Variants in SFXN5 observed in about 807,000 individuals in gnomAD.
The protein encoded by SFXN5 is sideroflexin-5.
SFXN5 carries 43 observed loss-of-function variants against 50.2 expected under a neutral mutation model. That is an observed-to-expected ratio of 0.86 (90% CI 0.67 to 1.11). The LOEUF (loss-of-function observed/expected upper bound fraction) is 1.11, where lower values mean the gene tolerates loss of function less well. SFXN5 is among the 50% of genes least tolerant of loss of function. The pLI, the probability that SFXN5 is intolerant of heterozygous loss-of-function variation, is 0.00. For missense variants in SFXN5, 463 were observed against 454.1 expected, an observed-to-expected ratio of 1.02 and a Z score of -0.18; for synonymous variants, 203 against 185.8, an observed-to-expected ratio of 1.09 and a Z score of -0.75.
Position 72,992,793 on chromosome 2 carries a change from C to T in SFXN5, c.535-4445G>A, listed in dbSNP as rs893258. Among the ~76,000 whole-genome samples, 65,387 of 152,114 alleles carry T rather than the reference C, an allele frequency of 0.43. 17,022 individuals carry two copies. The highest frequency in any genetic ancestry group is 0.65 in the South Asian group (3,137 of 4,820). On this transcript the variant is annotated intron_variant, in intron 9 of 13. Transcript: ENST00000272433. This position sits in a 1 kb window ranked among gnomAD's most constrained non-coding sequence, Gnocchi z 4.5. ...CCATCCATCTGCTCTCTACAGCAGT[C>T]GGAGTGAAGTCTGAAAACATGGCGA... is the stretch of plus-strand genomic sequence containing the variant.
intron 11 of SFXN5, among the ~76,000 whole-genome samples, chr2:72,968,770 CCTCTCTCTTTCTTTCTTTCCTCT>C (rs1304465257): frequency 2.6e-5 from 4 of 151,028 alleles, no homozygotes; most frequent in South Asian, 2.1e-4. Flanking sequence ...TTTTTTCTTT[CCTCTCTCTTTCTTTCTTTCCTCT>C]CTCTCTCTTT....
At chr2:73,025,927 T>G (rs1460671822) in intron 3 of SFXN5, among the ~76,000 whole-genome samples, 1 of 151,988 alleles carries the variant, frequency 6.6e-6, no homozygotes, top group Non-Finnish European at 1.5e-5. Flanking sequence ...CAGGCAAGGG[T>G]CTGAGTGCTG....
intron 2 of SFXN5, among the ~76,000 whole-genome samples, chr2:73,051,639 T>C (rs180676852): frequency 1.1e-3 from 166 of 152,336 alleles, no homozygotes; most frequent in Admixed American, 2.4e-3. Context: ...GTATTTGTTA[T>C]AGCAACACCC....
At position 72,988,966 on chromosome 2, in the gene SFXN5, C is replaced by T. The variant is rs140477738; in HGVS notation, c.535-618G>A. Among the ~76,000 whole-genome samples the T allele has an allele frequency of 3.6e-3, 551 of 152,318 alleles. 3 individuals are homozygous for T. The highest frequency in any genetic ancestry group is 0.013 in the African/African-American group (536 of 41,578). On this transcript the variant is annotated intron_variant, in intron 9 of 13. Coordinates refer to ENST00000272433, the MANE Select transcript of SFXN5 (RefSeq NM_144579.3). ...CTGGCCCAGGATGCCAGACACCCCA[C>T]CCCAGCCCCTGCCTGGGGTCTTCGT...
At chr2:73,039,928 A>G (rs1679406711) in intron 3 of SFXN5, among the ~76,000 whole-genome samples, 1 of 151,950 alleles carries the variant, frequency 6.6e-6, no homozygotes, top group Non-Finnish European at 1.5e-5. Flanking sequence ...CTCCTGCCTC[A>G]ACCTCATGAG....
intron 12 of SFXN5, among the ~76,000 whole-genome samples, chr2:72,962,643 AAGATCCCATTACTTGCAAATCC>A (rs1673876239): frequency 2.0e-5 from 3 of 152,184 alleles, no homozygotes; most frequent in Admixed American, 6.5e-5. Flanking sequence ...GGTATTAATA[AAGATCCCATTACTTGCAAATCC>A]TATGCAAGTA....
chr2:73,068,155 C>T (rs1683306838), intron 1 of SFXN5, among the ~76,000 whole-genome samples: 1 of 152,130 alleles, frequency 6.6e-6, no homozygotes, highest in Admixed American at 6.5e-5. Flanking sequence ...AGAGCGACTC[C>T]AGGGAATAAG....
At position 73,000,474 on chromosome 2, in the gene SFXN5, C is replaced by A; in HGVS notation, c.425G>T (p.Ser142Ile). ...TGCATAGTTGACACAGGCATTGTGG[C>A]TCTGGTTCAGCCACTGAAAGGCAAT... ...STVFWQWLNQ[S>I]HNACVNYANR... The change falls in exon 8 of 14, where the codon AGC (serine) becomes ATC (isoleucine). Residue 142 changes from serine (S) to isoleucine (I), a missense_variant. Transcript: ENST00000272433. 6.4e-7 allele frequency: 1 copy of A among 1,559,726 alleles called. No homozygotes were observed. Among genetic ancestry groups the A allele is most frequent in the Non-Finnish European group, 8.7e-7 (1 of 1,150,428 alleles).
chr2:72,948,246 ATGTT>A (rs1672165844), intron 13 of SFXN5, among the ~76,000 whole-genome samples: 1 of 152,244 alleles, frequency 6.6e-6, no homozygotes. Context: ...CCTCTGTAAA[ATGTT>A]TGAAGAATCC....
chr2:73,048,992 G>C (rs1680879973), intron 2 of SFXN5: 1 of 152,214 alleles, frequency 6.6e-6, no homozygotes, highest in Admixed American at 6.5e-5. Flanking sequence ...ATCCTGGACA[G>C]AATCAGTTAC....
chr2:73,045,985 T>C (rs1680268674), intron 2 of SFXN5, among the ~76,000 whole-genome samples: 1 of 152,118 alleles, frequency 6.6e-6, no homozygotes, highest in South Asian at 2.1e-4. Context: ...GGTAAACTGA[T>C]GCAGTTCCAG....
chr2:73,045,684 A>G (rs940419868), intron 2 of SFXN5, among the ~76,000 whole-genome samples: 34 of 151,816 alleles, frequency 2.2e-4, no homozygotes, highest in African/African-American at 8.2e-4. Flanking sequence ...CATCCTTACC[A>G]CAGCTTGACC....
At chr2:73,059,379 C>T in intron 1 of SFXN5, 1 of 985,440 alleles carries the variant, frequency 1.0e-6, no homozygotes, top group Non-Finnish European at 1.2e-6. Flanking sequence ...TCATGCCTCA[C>T]TACACTCCGG....
At chr2:73,041,804 G>A in intron 2 of SFXN5, 1 of 191,782 alleles carries the variant, frequency 5.2e-6, no homozygotes, top group Non-Finnish European at 1.1e-5. Context: ...CCAGGCTCAA[G>A]TGATCCTCCC....
intron 10 of SFXN5, among the ~76,000 whole-genome samples, chr2:72,976,752 T>C (rs1283606965): frequency 6.6e-6 from 1 of 152,212 alleles, no homozygotes; most frequent in Non-Finnish European, 1.5e-5. Flanking sequence ...TGGACACTAA[T>C]TATAGTTCTC....
At position 73,020,021 on chromosome 2, in the gene SFXN5, C is replaced by T. The variant is rs115795875; in HGVS notation, c.357+218G>A. On this transcript the variant is annotated intron_variant, in intron 6 of 13. Transcript: ENST00000272433. The stretch of plus-strand genomic sequence containing the variant: ...GGGAAGAAGGCAATTTTCAACTCAA[C>T]GCTGGATTTAAGTCATCAGGCTTTT... 8.2e-3 allele frequency: 4,337 copies of T among 527,892 alleles called. 129 individuals are homozygous for T. The highest frequency in any genetic ancestry group is 0.071 in the African/African-American group (3,682 of 51,530). The allele number at this position is 527,892 out of a possible 1,614,324, so 32.7% of individuals were successfully genotyped here. A position where few individuals can be genotyped will look rare whatever the true frequency, so the allele number is the denominator to read the frequency against.
Position 72,946,043 on chromosome 2 carries a change from T to C in SFXN5, c.946-944A>G, listed in dbSNP as rs1177183182. 2.0e-5 allele frequency among the ~76,000 whole-genome samples: 3 copies of C among 152,014 alleles called. No individual in the cohort carries two copies. The East Asian group carries it at 5.8e-4, about 29-fold the overall frequency. ...TCAAACCCGCTGCCTTCCGTGTCCA[T>C]GCATGGCTTTCCACCTGCCCTCCTC... On this transcript the variant is annotated intron_variant, in intron 13 of 13. Transcript: ENST00000272433.
chr2:73,014,767 G>A (rs1392297639), intron 6 of SFXN5, among the ~76,000 whole-genome samples: 1 of 151,914 alleles, frequency 6.6e-6, no homozygotes, highest in Non-Finnish European at 1.5e-5. Context: ...AAATACTATT[G>A]TAAATGACAT....
chr2:73,047,245 A>AAT lies in SFXN5; in HGVS notation c.172-6316_172-6315dup, dbSNP rs1167103035. ...AAAAAAAAAAAAAAAAAAAAAAAAA[A>AAT]ATATATATATATATATATATATATA... On this transcript the variant is annotated intron_variant, in intron 2 of 13. Coordinates refer to ENST00000272433, the MANE Select transcript of SFXN5 (RefSeq NM_144579.3). Among the ~76,000 whole-genome samples the AAT allele has an allele frequency of 5.4e-3, 102 of 18,916 alleles. 2 individuals are homozygous for AAT. The highest frequency in any genetic ancestry group is 0.014 in the Admixed American group (9 of 662). The allele number at this position is 18,916 out of a possible 152,430, so 12.4% of individuals were successfully genotyped here.
Sources: gnomAD v4.1 joint callset for allele counts (sites outside exome capture counted in the v4.1 genomes callset) on GRCh38, gnomAD v4.1.1 for gene constraint, Gnocchi (gnomAD v3.1) non-coding constraint, MANE v1.5 for transcripts, NCBI Gene and HGNC (gene_info 2026-07-23, HGNC 2026-07-21) for gene names.